MYO10: variants seen among roughly 807,000 people sequenced by gnomAD.
MYO10 encodes the protein unconventional myosin-X.
Under a neutral mutation model 257.3 loss-of-function variants are expected in MYO10, and 133 were observed. The ratio of observed to expected loss-of-function variants is 0.52; its 90% CI spans 0.45 to 0.60. The LOEUF (loss-of-function observed/expected upper bound fraction) is 0.60. MYO10 is among the 20% of genes least tolerant of loss of function. MYO10 has a pLI of 0.00. For missense variants in MYO10, 2,399 were observed against 2,635.7 expected (o/e 0.91, Z 1.97); for synonymous variants, 1,104 against 1,028.6 (o/e 1.07, Z -1.40).
intron 2 of MYO10, among the ~76,000 whole-genome samples, chr5:16,849,384 T>A (rs1743733578): frequency 6.6e-6 from 1 of 151,022 alleles, no homozygotes; most frequent in Non-Finnish European, 1.5e-5. Context: ...AGTAAATGTT[T>A]ACTAATGGTA....
chr5:16,788,278 C>G (rs1367651642), intron 4 of MYO10, among the ~76,000 whole-genome samples: 1 of 152,068 alleles, frequency 6.6e-6, no homozygotes, highest in East Asian at 1.9e-4. Context: ...CAGCAAGTGA[C>G]AGGGAGGCAT....
chr5:16,838,825 T>TA (rs1340199076), intron 2 of MYO10, among the ~76,000 whole-genome samples: 1 of 152,204 alleles, frequency 6.6e-6, no homozygotes, highest in African/African-American at 2.4e-5. Context: ...CTGAAAACGT[T>TA]AGAGCTCTTA....
rs944862333 is a variant in MYO10, at chr5:16,703,177, A to T, written c.2277-19T>A. 4 of 1,559,996 alleles carry T rather than the reference A, an allele frequency of 2.6e-6. No homozygotes were observed. Among genetic ancestry groups the T allele is most frequent in the Middle Eastern group, 1.7e-4 (1 of 6,004 alleles). ...TTGTTTTCTGAAAATGAAAGAAAACAAGAGAATCGGCATTGAAGTAATGAG... is the reference window on the plus strand; with the variant it reads ...TTGTTTTCTGAAAATGAAAGAAAACTAGAGAATCGGCATTGAAGTAATGAG... On this transcript the variant is annotated intron_variant, in intron 22 of 40. Coordinates refer to ENST00000513610, the MANE Select transcript of MYO10 (RefSeq NM_012334.3).
chr5:16,702,737 A>G, intron 23 of MYO10, 149 bp from the exon 24 acceptor site: 1 of 934,698 alleles, frequency 1.1e-6, no homozygotes, highest in East Asian at 2.6e-5. Context: ...ATTCTGTATG[A>G]ATAAAAATAT....
chr5:16,904,835 A>G (rs1745478574), intron 1 of MYO10, among the ~76,000 whole-genome samples: 1 of 152,174 alleles, frequency 6.6e-6, no homozygotes, highest in Non-Finnish European at 1.5e-5. Flanking sequence ...AGCCTGAGGC[A>G]AGAGAATGGC....
intron 4 of MYO10, among the ~76,000 whole-genome samples, chr5:16,790,375 G>T (rs1027260631): frequency 6.6e-6 from 1 of 152,096 alleles, no homozygotes; most frequent in Non-Finnish European, 1.5e-5. Context: ...GAAGTCATAT[G>T]TACTGCAAAG....
intron 9 of MYO10, 124 bp from the exon 10 acceptor site, chr5:16,769,327 C>T (rs1740977068): frequency 1.2e-5 from 13 of 1,045,660 alleles, no homozygotes; most frequent in Non-Finnish European, 1.6e-5. Context: ...AAAATAGATG[C>T]ATAACCACTC....
chr5:16,935,295 C>T (rs1377746386), intron 1 of MYO10, among the ~76,000 whole-genome samples: 2 of 152,230 alleles, frequency 1.3e-5, no homozygotes, highest in African/African-American at 4.8e-5. Context: ...AAACCCTTGC[C>T]TCTCCTTCTC....
intron 1 of MYO10, among the ~76,000 whole-genome samples, chr5:16,919,271 A>G (rs955024110): frequency 1.4e-4 from 21 of 152,198 alleles, no homozygotes; most frequent in African/African-American, 4.3e-4. Flanking sequence ...CGAGCTATTC[A>G]GGAGGCTGAG....
chr5:16,733,658 G>C (rs983953699), intron 19 of MYO10, among the ~76,000 whole-genome samples: 7 of 152,158 alleles, frequency 4.6e-5, no homozygotes, highest in Non-Finnish European at 8.8e-5. Flanking sequence ...AAGTCATAAT[G>C]GGAAATTAGC....
At chr5:16,759,557 G>A (rs1205284613) in intron 17 of MYO10, among the ~76,000 whole-genome samples, 1 of 152,178 alleles carries the variant, frequency 6.6e-6, no homozygotes, top group African/African-American at 2.4e-5. Context: ...TCCTCGGTTT[G>A]CAAGGGGAAA....
chr5:16,739,189 C>T (rs1449786451), intron 19 of MYO10, among the ~76,000 whole-genome samples: 2 of 140,752 alleles, frequency 1.4e-5, no homozygotes, highest in Non-Finnish European at 3.0e-5. Context: ...ATAATCATGT[C>T]CCAAAAAAAA....
At chr5:16,806,793 A>G (rs1742290564) in intron 3 of MYO10, among the ~76,000 whole-genome samples, 1 of 152,182 alleles carries the variant, frequency 6.6e-6, no homozygotes, top group Non-Finnish European at 1.5e-5. Flanking sequence ...GGTTTGGTCA[A>G]GTCAGAAGAC....
At chr5:16,743,728 A>G (rs1364169916) in intron 19 of MYO10, among the ~76,000 whole-genome samples, 1 of 152,184 alleles carries the variant, frequency 6.6e-6, no homozygotes, top group Non-Finnish European at 1.5e-5. Flanking sequence ...AATGACTTGG[A>G]AAAAAATGTT....
intron 33 of MYO10, among the ~76,000 whole-genome samples, chr5:16,678,663 A>G (rs1450221554): frequency 6.6e-6 from 1 of 152,246 alleles, no homozygotes; most frequent in East Asian, 1.9e-4. Flanking sequence ...CCACTTTGGA[A>G]TCAGGAGGCC....
chr5:16,797,135 A>G (rs1343726437), intron 3 of MYO10, among the ~76,000 whole-genome samples: 1 of 152,252 alleles, frequency 6.6e-6, no homozygotes, highest in Non-Finnish European at 1.5e-5. Context: ...TCAAATGCAA[A>G]TAAGTCCATA....
At chr5:16,779,734 T>C in intron 8 of MYO10, 86 bp from the exon 9 acceptor site, 1 of 737,300 alleles carries the variant, frequency 1.4e-6, no homozygotes, top group Non-Finnish European at 2.3e-6. Context: ...AAAGTATATA[T>C]ATATAATTCT....
intron 4 of MYO10, among the ~76,000 whole-genome samples, chr5:16,794,008 T>C (rs1215647915): frequency 1.3e-5 from 2 of 151,980 alleles, no homozygotes; most frequent in African/African-American, 2.4e-5. Flanking sequence ...GGGCTCCTAA[T>C]AGTTTCTTTG....
At chr5:16,931,634 G>GA (rs3993790) in intron 1 of MYO10, among the ~76,000 whole-genome samples, 31 of 150,366 alleles carry the variant, frequency 2.1e-4, no homozygotes, top group Admixed American at 1.7e-3. Context: ...ATAGCAGGGG[G>GA]AAAAAAAAAA....
Sources: gnomAD v4.1 joint callset for allele counts (sites outside exome capture counted in the v4.1 genomes callset) on GRCh38, gnomAD v4.1.1 for gene constraint, MANE v1.5 for transcripts, NCBI Gene and HGNC (gene_info 2026-07-23, HGNC 2026-07-21) for gene names.